The following SYT10 variants were observed in gnomAD, a reference collection of about 807,000 sequenced individuals.
The protein encoded by SYT10 is synaptotagmin 10.
Under a neutral mutation model 51.1 loss-of-function variants are expected in SYT10, and 31 were observed. That is an observed-to-expected ratio of 0.61 (90% CI 0.46 to 0.82). The LOEUF is 0.82. Ranked by LOEUF, SYT10 falls within the 40% of genes least tolerant of loss-of-function variation. The probability of loss-of-function intolerance (pLI) is 0.00; values close to 1 mark genes in which losing one functional copy is unlikely to be tolerated. For synonymous variants in SYT10, 233 were observed against 225.9 expected (o/e 1.03, Z -0.28); for missense variants, 603 against 634.0 (o/e 0.95, Z 0.53).
rs142116259 is a variant in SYT10 at position 33,436,015 on chromosome 12, A to G, written c.151+3357T>C. 2.4e-3 allele frequency among the ~76,000 whole-genome samples: 358 copies of G among 152,326 alleles called. 2 individuals carry two copies. The highest frequency in any genetic ancestry group is 8.3e-3 in the African/African-American group (347 of 41,576). On this transcript the variant is annotated intron_variant, in intron 1 of 6. Transcript: ENST00000228567. ...ACATTGATGAATGAAATGCTTATGA[A>G]AATCTTTAAATTAAGCTTAGAGCTA...
intron 2 of SYT10, among the ~76,000 whole-genome samples, chr12:33,414,330 G>A (rs894269380): frequency 3.4e-4 from 52 of 152,122 alleles, no homozygotes; most frequent in Admixed American, 1.5e-3. Context: ...TGCACCAAGC[G>A]GACCTAATAG....
In SYT10 at chr12:33,375,667, C is replaced by G. The variant is rs189139302; in HGVS notation, c.*1163G>C. On this transcript the variant is annotated 3_prime_UTR_variant, in exon 7 of 7. Coordinates refer to ENST00000228567, the MANE Select transcript of SYT10 (RefSeq NM_198992.4). Reference sequence around the variant, plus strand: ...ATGCCTTTCATGCAAGGACTGGAGGCCTGGGCCTTTAGAATTAATTTGTTT... The same window carrying G: ...ATGCCTTTCATGCAAGGACTGGAGGGCTGGGCCTTTAGAATTAATTTGTTT... The G allele has an allele frequency of 2.0e-5, 3 of 152,032 alleles. No individual in the cohort carries two copies. The highest frequency in any genetic ancestry group is 4.4e-5 in the Non-Finnish European group (3 of 67,972). 9.4% of individuals were successfully genotyped at this position (152,032 alleles called of 1,614,324 possible).
At chr12:33,380,454 G>A (rs927164981) in intron 5 of SYT10, among the ~76,000 whole-genome samples, 3 of 152,076 alleles carry the variant, frequency 2.0e-5, no homozygotes, top group African/African-American at 7.2e-5. Flanking sequence ...CAATTAAATA[G>A]GGCAGGATTA....
chr12:33,393,598 C>A (rs1444384258), intron 3 of SYT10, among the ~76,000 whole-genome samples: 1 of 152,146 alleles, frequency 6.6e-6, no homozygotes, highest in Non-Finnish European at 1.5e-5. Context: ...CACGTAATAG[C>A]CACAGATCTT....
intron 3 of SYT10, among the ~76,000 whole-genome samples, chr12:33,387,753 T>TG (rs61689329): frequency 0.21 from 31,263 of 149,144 alleles, 3,535 homozygotes; most frequent in South Asian, 0.29. Flanking sequence ...ACATGTTTTT[T>TG]TTTTTTTTTT....
chr12:33,395,506 T>C (rs1335328116), intron 3 of SYT10, among the ~76,000 whole-genome samples: 1 of 152,212 alleles, frequency 6.6e-6, no homozygotes, highest in Non-Finnish European at 1.5e-5. Flanking sequence ...TAGCTTCTCT[T>C]TATCTCCTAC....
At position 33,431,920 on chromosome 12, in the gene SYT10, T is replaced by C. The variant is rs1866599785; in HGVS notation, c.152-5425A>G. Reference sequence around the variant, plus strand: ...ACAGTACCCTTGGCCTGTATATCTTTTATGAATTATGTTAAGAAAAAATGC... The same window carrying C: ...ACAGTACCCTTGGCCTGTATATCTTCTATGAATTATGTTAAGAAAAAATGC... On this transcript the variant is annotated intron_variant, in intron 1 of 6. Coordinates refer to ENST00000228567, the MANE Select transcript of SYT10 (RefSeq NM_198992.4). Among the ~76,000 whole-genome samples the C allele has an allele frequency of 1.3e-5, 2 of 151,888 alleles. 1 individual carries two copies. Among genetic ancestry groups the C allele is most frequent in the Non-Finnish European group, 2.9e-5 (2 of 67,964 alleles).
chr12:33,414,059 A>G (rs1866432333), intron 2 of SYT10, among the ~76,000 whole-genome samples: 1 of 152,050 alleles, frequency 6.6e-6, no homozygotes. Context: ...ACAGACTTTA[A>G]ACCAACAAAG....
At chr12:33,389,242 A>G (rs1866183666) in intron 3 of SYT10, among the ~76,000 whole-genome samples, 1 of 152,118 alleles carries the variant, frequency 6.6e-6, no homozygotes, top group Non-Finnish European at 1.5e-5. Context: ...AAAGGGTGGG[A>G]GCTTGGCAGA....
chr12:33,437,688 T>C (rs528820325), intron 1 of SYT10, among the ~76,000 whole-genome samples: 1 of 152,294 alleles, frequency 6.6e-6, no homozygotes, highest in South Asian at 2.1e-4. Context: ...TTTCGTCCAG[T>C]GTAGCCCCTT....
chr12:33,416,890 A>C (rs1380759335), intron 2 of SYT10, among the ~76,000 whole-genome samples: 3 of 152,170 alleles, frequency 2.0e-5, no homozygotes, highest in Non-Finnish European at 2.9e-5. Flanking sequence ...ATCTAACCTG[A>C]AAGTGGAGGG....
At chr12:33,389,001 C>T (rs1274080956) in intron 3 of SYT10, among the ~76,000 whole-genome samples, 2 of 152,106 alleles carry the variant, frequency 1.3e-5, no homozygotes, top group Non-Finnish European at 2.9e-5. Context: ...GTCTATTAAC[C>T]AAGAGAAGTA....
chr12:33,414,586 G>A (rs1217393763), intron 2 of SYT10, among the ~76,000 whole-genome samples: 3 of 152,154 alleles, frequency 2.0e-5, no homozygotes, highest in Non-Finnish European at 4.4e-5. Flanking sequence ...ACTACTGGGT[G>A]CATAATGAAA....
At chr12:33,396,847 C>T (rs758360483) in intron 3 of SYT10, among the ~76,000 whole-genome samples, 1 of 152,078 alleles carries the variant, frequency 6.6e-6, no homozygotes, top group Non-Finnish European at 1.5e-5. Context: ...ACCATGTTGG[C>T]CAGGATGGTC....
rs1379375005 is a variant in SYT10, at chr12:33,376,734, A to G, written c.*96T>C. 2.2e-6 allele frequency: 3 copies of G among 1,374,946 alleles called. No individual in the cohort carries two copies. The East Asian group carries it at 6.9e-5, about 32-fold the overall frequency. 85.2% of individuals were successfully genotyped at this position (1,374,946 alleles called of 1,614,324 possible). On this transcript the variant is annotated 3_prime_UTR_variant, in exon 7 of 7. Transcript: ENST00000228567. ...ATCAAGTTTGTTCATTAGTACGGAT[A>G]TATTTCAAATGAGGAAACCAAACCT...
At chr12:33,386,807 A>G (rs1866160388) in intron 3 of SYT10, among the ~76,000 whole-genome samples, 1 of 152,188 alleles carries the variant, frequency 6.6e-6, no homozygotes, top group Non-Finnish European at 1.5e-5. Context: ...TGCATAGCTG[A>G]TACATACCAG....
chr12:33,396,581 G>A (rs1043583093), intron 3 of SYT10, among the ~76,000 whole-genome samples: 3 of 151,912 alleles, frequency 2.0e-5, no homozygotes, highest in African/African-American at 7.3e-5. Context: ...AACACAGAGA[G>A]TTATTTTTTC....
intron 3 of SYT10, among the ~76,000 whole-genome samples, chr12:33,395,015 G>A (rs1866242727): frequency 6.6e-6 from 1 of 152,228 alleles, no homozygotes; most frequent in Non-Finnish European, 1.5e-5. Context: ...GTGAAGCCAG[G>A]AGGTGGAGCT....
intron 3 of SYT10, among the ~76,000 whole-genome samples, chr12:33,403,804 T>A (rs1436930871): frequency 6.6e-6 from 1 of 152,146 alleles, no homozygotes; most frequent in Non-Finnish European, 1.5e-5. Flanking sequence ...TTTTTTATTT[T>A]TACTAATAAG....
Sources: allele counts gnomAD v4.1 joint callset (sites outside exome capture counted in the v4.1 genomes callset), GRCh38; gene constraint gnomAD v4.1.1; transcripts MANE v1.5; gene names NCBI Gene and HGNC (gene_info 2026-07-23, HGNC 2026-07-21).